Variants in GSG1L observed in about 807,000 individuals in gnomAD.
GSG1L encodes germ cell-specific gene 1-like protein.
GSG1L carries 24 observed loss-of-function variants against 42.1 expected under a neutral mutation model. That is an observed-to-expected ratio of 0.57 (90% CI 0.41 to 0.80). The LOEUF (loss-of-function observed/expected upper bound fraction) is 0.80. GSG1L is among the 30% of genes least tolerant of loss of function. The pLI is 0.00. For synonymous variants in GSG1L, 215 were observed against 203.5 expected (o/e 1.06, Z -0.48); for missense variants, 445 against 472.2 (o/e 0.94, Z 0.53).
chr16:27,798,021 C>G (rs2082839923), intron 6 of GSG1L, among the ~76,000 whole-genome samples: 1 of 152,034 alleles, frequency 6.6e-6, no homozygotes, highest in South Asian at 2.1e-4. Flanking sequence ...AAACTGGGTG[C>G]TCCACAGGGG....
intron 3 of GSG1L, among the ~76,000 whole-genome samples, chr16:27,858,371 AAG>A (rs1391802804): frequency 1.3e-5 from 2 of 152,208 alleles, no homozygotes; most frequent in Admixed American, 6.5e-5. Context: ...TATTTGAAAA[AAG>A]AGAGTGTAAA....
At chr16:28,009,257 C>T (rs1178035003) in intron 1 of GSG1L, among the ~76,000 whole-genome samples, 3 of 152,232 alleles carry the variant, frequency 2.0e-5, no homozygotes, top group Admixed American at 6.5e-5. Flanking sequence ...ACACACCAAA[C>T]ACTGTCCAGG....
intron 3 of GSG1L, among the ~76,000 whole-genome samples, chr16:27,850,322 G>A (rs1158607589): frequency 2.6e-5 from 4 of 151,842 alleles, no homozygotes; most frequent in South Asian, 2.1e-4. Context: ...CCACCGTGCC[G>A]GCCTTGAAAT....
At chr16:27,915,726 T>C (rs1337545999) in intron 2 of GSG1L, among the ~76,000 whole-genome samples, 2 of 152,156 alleles carry the variant, frequency 1.3e-5, no homozygotes, top group African/African-American at 4.8e-5. Flanking sequence ...CAGTGAGCTA[T>C]GACTATGCCT....
chr16:27,917,625 G>T (rs1032417337), intron 2 of GSG1L, among the ~76,000 whole-genome samples: 2 of 152,160 alleles, frequency 1.3e-5, no homozygotes, highest in African/African-American at 4.8e-5. Flanking sequence ...TGAGAATCCA[G>T]CCATTCCTCC....
chr16:27,803,160 G>A (rs753783695), intron 6 of GSG1L, among the ~76,000 whole-genome samples: 4 of 151,758 alleles, frequency 2.6e-5, no homozygotes, highest in African/African-American at 4.8e-5. Context: ...CCTCTCCCCC[G>A]GTCCTCACTC....
chr16:28,009,913 C>G (rs2085693727), intron 1 of GSG1L, among the ~76,000 whole-genome samples: 1 of 152,338 alleles, frequency 6.6e-6, no homozygotes, highest in South Asian at 2.1e-4. Flanking sequence ...CTCTTGAGGA[C>G]AGAAATGACT....
At chr16:27,895,210 A>T (rs189061258) in intron 2 of GSG1L, among the ~76,000 whole-genome samples, 19 of 152,252 alleles carry the variant, frequency 1.2e-4, no homozygotes, top group Admixed American at 9.2e-4. Flanking sequence ...GCTTCACATT[A>T]AAAAAATCCA....
Position 28,063,149 on chromosome 16 carries a change from G to T in GSG1L, c.276C>A (p.Gly92=). The change falls in exon 1 of 7, where the codon GGC becomes GGA. Residue 92 remains glycine (G), a synonymous_variant. Transcript: ENST00000447459. This position sits in a 1 kb window ranked among gnomAD's most constrained non-coding sequence, Gnocchi z 5.8. ...AATTCCTGAAGAGGAAGCGGTCGTCGCCGGTCTCCCAGCTGTAGAGCGCGC... is the reference window on the plus strand; with the variant it reads ...AATTCCTGAAGAGGAAGCGGTCGTCTCCGGTCTCCCAGCTGTAGAGCGCGC... ...PGGALYSWET[G]DDRFLFRNFH... 1 of 1,425,824 alleles carries T rather than the reference G, an allele frequency of 7.0e-7. No homozygotes were observed. The highest frequency in any genetic ancestry group is 9.2e-7 in the Non-Finnish European group (1 of 1,083,616). The allele number at this position is 1,425,824 out of a possible 1,614,324, so 88.3% of individuals were successfully genotyped here.
Position 27,924,408 on chromosome 16 carries a change from A to G in GSG1L, c.397+38748T>C, listed in dbSNP as rs1245639749. ...TACCCTAACACAGCTATTATTTTCT[A>G]AAAAGTATTTTCTTTTGATCTTTTT... On this transcript the variant is annotated intron_variant, in intron 2 of 6. Coordinates refer to ENST00000447459, the MANE Select transcript of GSG1L (RefSeq NM_001109763.2). 2.0e-5 allele frequency among the ~76,000 whole-genome samples: 3 copies of G among 152,220 alleles called. No homozygotes were observed. In the East Asian group the frequency reaches 5.8e-4, roughly 29 times the overall value.
At chr16:27,846,725 C>T (rs2083447592) in intron 3 of GSG1L, among the ~76,000 whole-genome samples, 1 of 152,078 alleles carries the variant, frequency 6.6e-6, no homozygotes, top group Non-Finnish European at 1.5e-5. Flanking sequence ...GAGGCCGAGG[C>T]ATGCGGATCA....
At chr16:28,046,125 T>C (rs572271721) in intron 1 of GSG1L, among the ~76,000 whole-genome samples, 12 of 152,180 alleles carry the variant, frequency 7.9e-5, no homozygotes, top group Admixed American at 1.3e-4. Context: ...ATGTTGTCCA[T>C]AAAGGAACAA....
chr16:27,974,838 G>A (rs1220047624), intron 1 of GSG1L, among the ~76,000 whole-genome samples: 1 of 152,138 alleles, frequency 6.6e-6, no homozygotes, highest in Non-Finnish European at 1.5e-5. Flanking sequence ...GGACAGTCAG[G>A]GTCTCTGCAG....
chr16:27,898,086 A>G (rs1337737302), intron 2 of GSG1L, among the ~76,000 whole-genome samples: 1 of 152,218 alleles, frequency 6.6e-6, no homozygotes, highest in East Asian at 1.9e-4. Context: ...TTGTCAGTTC[A>G]GAGACGTCTC....
intron 1 of GSG1L, among the ~76,000 whole-genome samples, chr16:28,044,623 C>CT (rs71140942): frequency 0.08 from 10,382 of 130,562 alleles, 1,309 homozygotes; most frequent in African/African-American, 0.26. Flanking sequence ...GCAACGAATG[C>CT]TTTTTTTTTT....
At chr16:28,010,123 G>A (rs2085697666) in intron 1 of GSG1L, among the ~76,000 whole-genome samples, 1 of 152,174 alleles carries the variant, frequency 6.6e-6, no homozygotes, top group African/African-American at 2.4e-5. Context: ...TGGGAAATCA[G>A]GTAGAAGGAA....
At chr16:27,902,469 T>G (rs2084270799) in intron 2 of GSG1L, among the ~76,000 whole-genome samples, 1 of 147,168 alleles carries the variant, frequency 6.8e-6, no homozygotes, top group African/African-American at 2.5e-5. Flanking sequence ...CTTCAGGAGG[T>G]GGGGAAGGAG....
chr16:28,054,498 A>G (rs2141198110), intron 1 of GSG1L, among the ~76,000 whole-genome samples: 1 of 152,210 alleles, frequency 6.6e-6, no homozygotes, highest in Middle Eastern at 3.4e-3. Context: ...GTGTAGTGGC[A>G]GCCACCTGTA....
At chr16:27,882,457 T>A (rs1218901045) in intron 3 of GSG1L, among the ~76,000 whole-genome samples, 1 of 152,112 alleles carries the variant, frequency 6.6e-6, no homozygotes, top group African/African-American at 2.4e-5. Context: ...CCAGACTCTA[T>A]AAAGCACTGA....
Sources: allele counts gnomAD v4.1 joint callset (sites outside exome capture counted in the v4.1 genomes callset), GRCh38; gene constraint gnomAD v4.1.1; non-coding constraint Gnocchi (gnomAD v3.1); transcripts MANE v1.5; gene names NCBI Gene and HGNC (gene_info 2026-07-23, HGNC 2026-07-21).